Variants in CORIN observed in about 807,000 individuals in gnomAD.
CORIN encodes corin, serine peptidase.
Under a neutral mutation model 125.3 loss-of-function variants are expected in CORIN, and 117 were observed. The observed-to-expected ratio is 0.93, with a 90% confidence interval of 0.80 to 1.09. The LOEUF is 1.09. Among genes scored for constraint, CORIN ranks in the 50% least tolerant of loss-of-function variants. The pLI, the probability that CORIN is intolerant of heterozygous loss-of-function variation, is 0.00. For synonymous variants in CORIN, 450 were observed against 466.4 expected, an observed-to-expected ratio of 0.96 and a Z score of 0.45; for missense variants, 1,253 against 1,306.7, an observed-to-expected ratio of 0.96 and a Z score of 0.63.
intron 16 of CORIN, among the ~76,000 whole-genome samples, chr4:47,631,069 T>C (rs952186698): frequency 1.3e-5 from 2 of 152,134 alleles, no homozygotes; most frequent in African/African-American, 4.8e-5. Flanking sequence ...CTAAATGCTA[T>C]TGACAAGTTA....
Position 47,594,895 on chromosome 4 carries a change from C to T in CORIN, c.*826G>A, listed in dbSNP as rs566291451. 1.3e-5 allele frequency: 2 copies of T among 152,122 alleles called. No individual in the cohort carries two copies. Among genetic ancestry groups the T allele is most frequent in the Non-Finnish European group, 2.9e-5 (2 of 68,016 alleles). The allele number at this position is 152,122 out of a possible 1,614,324, so 9.4% of individuals were successfully genotyped here. ...AGCTATGAGGACAGTTCTATAGAGA[C>T]TCTTCTATAAAATTATGATCTTGAT... is the stretch of plus-strand genomic sequence containing the variant. On this transcript the variant is annotated 3_prime_UTR_variant, in exon 22 of 22. Coordinates refer to ENST00000273857, the MANE Select transcript of CORIN (RefSeq NM_006587.4).
chr4:47,602,019 T>A lies in CORIN; in HGVS notation c.2812+1378A>T, dbSNP rs1212029493. On this transcript the variant is annotated intron_variant, in intron 20 of 21. Coordinates refer to ENST00000273857, the MANE Select transcript of CORIN (RefSeq NM_006587.4). ...AGAGTAGGCAGCACTTACAGTTTTT[T>A]TTTTTTAAGTTTCAGGTGGGTGGAT... 3.3e-5 allele frequency among the ~76,000 whole-genome samples: 5 copies of A among 152,246 alleles called. No homozygotes were observed. In the East Asian group the frequency reaches 9.6e-4, roughly 29 times the overall value.
chr4:47,681,126 T>C (rs1397503522), intron 7 of CORIN: 1 of 152,222 alleles, frequency 6.6e-6, no homozygotes, highest in Non-Finnish European at 1.5e-5. Context: ...TTAGAAGATG[T>C]ATGTGGATTC....
At chr4:47,706,704 G>A in intron 5 of CORIN, 1 of 1,607,244 alleles carries the variant, frequency 6.2e-7, no homozygotes, top group Non-Finnish European at 8.5e-7. Flanking sequence ...CGCCACTGTG[G>A]GGCTCTGGGA....
At chr4:47,816,311 T>C (rs1199092586) in intron 1 of CORIN, among the ~76,000 whole-genome samples, 2 of 152,236 alleles carry the variant, frequency 1.3e-5, no homozygotes. Flanking sequence ...ATTCATCATA[T>C]GTTTTGCTAT....
intron 1 of CORIN, among the ~76,000 whole-genome samples, chr4:47,807,378 C>A (rs968005369): frequency 6.6e-6 from 1 of 152,132 alleles, no homozygotes; most frequent in Non-Finnish European, 1.5e-5. Context: ...AAAACCTTAC[C>A]CTGGCCCAAA....
At chr4:47,724,515 A>T (rs1370307433) in intron 5 of CORIN, among the ~76,000 whole-genome samples, 1 of 152,288 alleles carries the variant, frequency 6.6e-6, no homozygotes, top group East Asian at 1.9e-4. Context: ...AGAAAGATAT[A>T]AATTTAGACT....
intron 3 of CORIN, among the ~76,000 whole-genome samples, chr4:47,772,260 T>G (rs982129019): frequency 1.3e-5 from 2 of 152,174 alleles, no homozygotes; most frequent in South Asian, 4.1e-4. Flanking sequence ...TTTAACACAG[T>G]GAGGGGTCAA....
chr4:47,793,682 C>T (rs1467714964), intron 2 of CORIN, among the ~76,000 whole-genome samples: 1 of 152,136 alleles, frequency 6.6e-6, no homozygotes, highest in East Asian at 1.9e-4. Flanking sequence ...TTCAAAGTCT[C>T]GTTCAAATAC....
chr4:47,786,893 C>A lies in CORIN; in HGVS notation c.241G>T (p.Gly81Trp). The A allele has an allele frequency of 6.2e-7, 1 of 1,613,324 alleles. No homozygotes were observed. The highest frequency in any genetic ancestry group is 8.5e-7 in the Non-Finnish European group (1 of 1,179,352). Reference protein sequence around the residue: ...TLQKVYFKSNGSEPLVTDGEI... With the variant: ...TLQKVYFKSNWSEPLVTDGEI... ...CCATCAGTGACCAAAGGTTCACTCC[C>A]ATTTGATTTAAAATAGACCTTTTGT... Residue 81 changes from glycine (G) to tryptophan (W), a missense_variant, in exon 3 of 22, where the codon GGG (glycine) becomes TGG (tryptophan). By Grantham distance (184) the Gly-to-Trp change is radical (BLOSUM62 -2). Transcript: ENST00000273857.
At chr4:47,641,301 A>C (rs1163835984) in intron 16 of CORIN, among the ~76,000 whole-genome samples, 3 of 152,198 alleles carry the variant, frequency 2.0e-5, no homozygotes, top group Non-Finnish European at 2.9e-5. Flanking sequence ...CAATGGTAAA[A>C]GAAATACTTA....
rs941266480 is a variant in CORIN, at chr4:47,666,526, T to G, written c.1358-1263A>C. Among the ~76,000 whole-genome samples the G allele has an allele frequency of 2.6e-5, 4 of 152,328 alleles. No individual in the cohort carries two copies. In the East Asian group the frequency reaches 7.7e-4, roughly 29 times the overall value. On this transcript the variant is annotated intron_variant, in intron 10 of 21. Coordinates refer to ENST00000273857, the MANE Select transcript of CORIN (RefSeq NM_006587.4). Reference sequence around the variant, plus strand: ...TGAACAGGGTAGGATAGAGTTTGCATGAACTGAACATTTGTGTATCTCCAT... The same window carrying G: ...TGAACAGGGTAGGATAGAGTTTGCAGGAACTGAACATTTGTGTATCTCCAT...
chr4:47,802,260 C>T (rs1031110856), intron 2 of CORIN, among the ~76,000 whole-genome samples: 3 of 152,170 alleles, frequency 2.0e-5, no homozygotes, highest in Non-Finnish European at 4.4e-5. Flanking sequence ...TCTCTGGCAC[C>T]TGAGGTGACT....
intron 2 of CORIN, among the ~76,000 whole-genome samples, chr4:47,795,699 A>G (rs1165853212): frequency 6.6e-6 from 1 of 151,948 alleles, no homozygotes; most frequent in Non-Finnish European, 1.5e-5. Context: ...TGTAAACCAC[A>G]TATTTGATCA....
Position 47,661,751 on chromosome 4 carries a change from T to A in CORIN, c.1695A>T (p.Ser565=). ...CAGGCATCAGGCAGGTTTGATTGTCTGAATTTTCCTCTGGAAATTGACTGC... is the reference window on the plus strand; with the variant it reads ...CAGGCATCAGGCAGGTTTGATTGTCAGAATTTTCCTCTGGAAATTGACTGC... The part of the protein sequence containing the change: ...TDCSQFPEEN[S]DNQTCLMPDE... The change falls in exon 12 of 22, where the codon TCA becomes TCT. Residue 565 remains serine (S), a synonymous_variant. Coordinates refer to ENST00000273857, the MANE Select transcript of CORIN (RefSeq NM_006587.4). 6.2e-7 allele frequency: 1 copy of A among 1,613,400 alleles called. No individual in the cohort carries two copies. The highest frequency in any genetic ancestry group is 8.5e-7 in the Non-Finnish European group (1 of 1,179,536).
intron 10 of CORIN, 120 bp from the exon 11 acceptor site, chr4:47,665,383 CAGT>C: frequency 1.5e-6 from 1 of 684,128 alleles, no homozygotes; most frequent in East Asian, 2.7e-5. Context: ...ACTAGAATGC[CAGT>C]AGTATATAAC....
rs1724923224 is a variant in CORIN, at chr4:47,674,487, A to T, written c.1263T>A (p.Cys421Ter). The change falls in exon 10 of 22, where the codon TGT becomes TGA. Residue 421 changes from cysteine to a stop codon, truncating the protein, a stop_gained. Transcript: ENST00000273857. LOFTEE classifies it high-confidence loss of function. ...EENCSVIQTSCQEGDQRCLYN... is the reference protein window; with the variant it reads ...EENCSVIQTS ...AGAGGCATCTTTGGTCTCCTTCTTG[A>T]CATGAAGTCTGAACTACAGAGGGAG... 4 of 1,611,844 alleles carry T rather than the reference A, an allele frequency of 2.5e-6. No homozygotes were observed. The highest frequency in any genetic ancestry group is 3.4e-6 in the Non-Finnish European group (4 of 1,177,924).
intron 5 of CORIN, among the ~76,000 whole-genome samples, chr4:47,714,569 G>A (rs1294642179): frequency 6.6e-6 from 1 of 152,198 alleles, no homozygotes; most frequent in Non-Finnish European, 1.5e-5. Context: ...AACAGAGACT[G>A]ACAAACATTT....
chr4:47,734,115 A>G (rs527360835), intron 5 of CORIN, among the ~76,000 whole-genome samples: 42 of 152,272 alleles, frequency 2.8e-4, no homozygotes, highest in African/African-American at 1.0e-3. Context: ...GATTTAAAAT[A>G]AGCTGGGAAT....
Sources: gnomAD v4.1 joint callset for allele counts (sites outside exome capture counted in the v4.1 genomes callset) on GRCh38, gnomAD v4.1.1 for gene constraint, MANE v1.5 for transcripts, NCBI Gene and HGNC (gene_info 2026-07-23, HGNC 2026-07-21) for gene names.